The following SLC24A2 variants were observed in gnomAD, a reference collection of about 807,000 sequenced individuals.
The protein encoded by SLC24A2 is solute carrier family 24 member 2.
Under a neutral mutation model 62.0 loss-of-function variants are expected in SLC24A2, and 36 were observed. That is an observed-to-expected ratio of 0.58 (90% CI 0.44 to 0.77). The LOEUF (loss-of-function observed/expected upper bound fraction) is 0.77, where lower values mean the gene tolerates loss of function less well. Among genes scored for constraint, SLC24A2 ranks in the 30% least tolerant of loss-of-function variants. The pLI, the probability that SLC24A2 is intolerant of heterozygous loss-of-function variation, is 0.00. For synonymous variants in SLC24A2, 358 were observed against 294.0 expected, an observed-to-expected ratio of 1.22 and a Z score of -2.23; for missense variants, 846 against 817.9, an observed-to-expected ratio of 1.03 and a Z score of -0.42.
chr9:20,154,132 T>C, the SLC24A2 span, among the ~76,000 whole-genome samples: 1 of 151,918 alleles, frequency 6.6e-6, no homozygotes, highest in Non-Finnish European at 1.5e-5. Context: ...TGTATATGAT[T>C]ACTCTATAAA....
At chr9:20,254,503 G>C in the SLC24A2 span, among the ~76,000 whole-genome samples, 18 of 152,204 alleles carry the variant, frequency 1.2e-4, no homozygotes, top group Admixed American at 2.6e-4. Flanking sequence ...CTAGCAGACT[G>C]ATAAGAATAC....
chr9:19,557,138 A>C (rs193225951), intron 7 of SLC24A2, among the ~76,000 whole-genome samples: 1 of 152,174 alleles, frequency 6.6e-6, no homozygotes, highest in Non-Finnish European at 1.5e-5. Flanking sequence ...GTCCCAGCTT[A>C]AGGATCTTCC....
chr9:19,902,078 C>A, the SLC24A2 span, among the ~76,000 whole-genome samples: 1 of 152,102 alleles, frequency 6.6e-6, no homozygotes, highest in African/African-American at 2.4e-5. Flanking sequence ...CAGCCTTAGG[C>A]CCTGTTTATA....
At position 19,579,751 on chromosome 9, in the gene SLC24A2, T is replaced by C. The variant is rs570726390; in HGVS notation, c.1130-2729A>G. 2.0e-5 allele frequency among the ~76,000 whole-genome samples: 3 copies of C among 152,282 alleles called. No individual in the cohort carries two copies. The East Asian group carries it at 5.8e-4, about 29-fold the overall frequency. On this transcript the variant is annotated intron_variant, in intron 5 of 10. Coordinates refer to ENST00000341998, the MANE Select transcript of SLC24A2 (RefSeq NM_020344.4). ...GAATCATGACACAGAAAATATTGGA[T>C]AGAAACAAGCTAATGACATATCACT...
chr9:20,106,484 A>C, the SLC24A2 span, among the ~76,000 whole-genome samples: 1 of 152,234 alleles, frequency 6.6e-6, no homozygotes, highest in East Asian at 1.9e-4. Flanking sequence ...GCAGCACATC[A>C]AAAAGCTTAT....
At chr9:19,962,702 T>C in the SLC24A2 span, among the ~76,000 whole-genome samples, 1 of 152,228 alleles carries the variant, frequency 6.6e-6, no homozygotes, top group African/African-American at 2.4e-5. Flanking sequence ...TTTTTGTACA[T>C]TGATTTTGAA....
chr9:20,215,841 G>A, the SLC24A2 span, among the ~76,000 whole-genome samples: 3 of 151,740 alleles, frequency 2.0e-5, no homozygotes, highest in Non-Finnish European at 3.0e-5. Context: ...GGTCCAAGGA[G>A]TGAGCACTAA....
At chr9:20,288,195 G>A in the SLC24A2 span, among the ~76,000 whole-genome samples, 2 of 152,202 alleles carry the variant, frequency 1.3e-5, no homozygotes, top group Non-Finnish European at 2.9e-5. Context: ...AGGGGCAGGG[G>A]AGTATACATT....
At chr9:20,171,423 C>A in the SLC24A2 span, among the ~76,000 whole-genome samples, 1 of 151,908 alleles carries the variant, frequency 6.6e-6, no homozygotes, top group Non-Finnish European at 1.5e-5. Context: ...TACAGAATTG[C>A]AGAATGGATA....
At chr9:19,560,934 G>GAC (rs1420713361) in intron 7 of SLC24A2, among the ~76,000 whole-genome samples, 22 of 149,298 alleles carry the variant, frequency 1.5e-4, no homozygotes, top group African/African-American at 5.2e-4. Context: ...GAGAGAGAGA[G>GAC]AGAGAGAGAG....
rs193010839 is a variant in SLC24A2, at chr9:19,688,345, T to A, written c.931-66046A>T. 2.0e-5 allele frequency among the ~76,000 whole-genome samples: 3 copies of A among 152,178 alleles called. No individual in the cohort carries two copies. The East Asian group carries it at 5.8e-4, about 30-fold the overall frequency. On this transcript the variant is annotated intron_variant, in intron 2 of 10. Coordinates refer to ENST00000341998, the MANE Select transcript of SLC24A2 (RefSeq NM_020344.4). Reference sequence around the variant, plus strand: ...AATGAGAGAATAACATCTCCCTCATTGTATTGTGGCAAAGTACAATGAGAA... The same window carrying A: ...AATGAGAGAATAACATCTCCCTCATAGTATTGTGGCAAAGTACAATGAGAA...
chr9:20,203,473 C>G, the SLC24A2 span, among the ~76,000 whole-genome samples: 3 of 152,188 alleles, frequency 2.0e-5, no homozygotes, highest in South Asian at 6.2e-4. Flanking sequence ...CGCTTAAGCT[C>G]TCAGGACTTG....
chr9:20,096,273 G>A, the SLC24A2 span, among the ~76,000 whole-genome samples: 3 of 152,108 alleles, frequency 2.0e-5, no homozygotes, highest in African/African-American at 4.8e-5. Context: ...CACACAAAGT[G>A]AGTCTCTTTT....
At position 19,671,724 on chromosome 9, in the gene SLC24A2, G is replaced by A. The variant is rs141263254; in HGVS notation, c.931-49425C>T. On this transcript the variant is annotated intron_variant, in intron 2 of 10. Coordinates refer to ENST00000341998, the MANE Select transcript of SLC24A2 (RefSeq NM_020344.4). ...GATGGCTTTTATTATCTTAAGATACGTCCCTTCTATGCCGATTTTGCTGAG... is the reference window on the plus strand; with the variant it reads ...GATGGCTTTTATTATCTTAAGATACATCCCTTCTATGCCGATTTTGCTGAG... Among the ~76,000 whole-genome samples the A allele has an allele frequency of 8.6e-3, 1,315 of 152,154 alleles. 14 individuals carry two copies. Among genetic ancestry groups the A allele is most frequent in the African/African-American group, 0.03 (1,232 of 41,484 alleles).
At chr9:20,062,878 A>G in the SLC24A2 span, among the ~76,000 whole-genome samples, 26 of 122,248 alleles carry the variant, frequency 2.1e-4, no homozygotes, top group Non-Finnish European at 3.5e-4. Flanking sequence ...GCAGCCAAAA[A>G]ACACATGAAA....
intron 2 of SLC24A2, among the ~76,000 whole-genome samples, chr9:19,640,184 AT>A (rs1818456049): frequency 6.6e-6 from 1 of 152,222 alleles, no homozygotes; most frequent in Non-Finnish European, 1.5e-5. Context: ...TACAATTTTA[AT>A]CTGCCTGGAA....
At chr9:20,271,263 C>G in the SLC24A2 span, among the ~76,000 whole-genome samples, 1 of 152,126 alleles carries the variant, frequency 6.6e-6, no homozygotes, top group South Asian at 2.1e-4. Context: ...TAAACTGTCC[C>G]CCATATAATT....
intron 5 of SLC24A2, among the ~76,000 whole-genome samples, chr9:19,577,479 C>A (rs1203499937): frequency 6.6e-6 from 1 of 152,080 alleles, no homozygotes; most frequent in East Asian, 1.9e-4. Flanking sequence ...ACTGAAAAAA[C>A]CAAAATCTGA....
chr9:19,583,298 A>G (rs1370246223), intron 5 of SLC24A2, among the ~76,000 whole-genome samples: 2 of 152,166 alleles, frequency 1.3e-5, no homozygotes, highest in Admixed American at 1.3e-4. Context: ...AGGTCCACAG[A>G]GCTTGTTCAA....
Sources: gnomAD v4.1 joint callset for allele counts (sites outside exome capture counted in the v4.1 genomes callset) on GRCh38, gnomAD v4.1.1 for gene constraint, MANE v1.5 for transcripts, NCBI Gene and HGNC (gene_info 2026-07-23, HGNC 2026-07-21) for gene names.